Variants in PATJ observed in about 807,000 individuals in gnomAD.
PATJ encodes the protein PATJ crumbs cell polarity complex component, also known as inaD-like protein.
In PATJ, 190 loss-of-function variants were observed where a neutral mutation model predicts 224.9. That is an observed-to-expected ratio of 0.84 (90% CI 0.75 to 0.95). The LOEUF is 0.95. Among genes scored for constraint, PATJ ranks in the 40% least tolerant of loss-of-function variants. The pLI is 0.00. For synonymous variants in PATJ, 769 were observed against 820.3 expected (o/e 0.94, Z 1.07); for missense variants, 2,121 against 2,270.3 (o/e 0.93, Z 1.34).
intron 31 of PATJ, among the ~76,000 whole-genome samples, chr1:62,066,387 CT>C (rs200726650): frequency 0.028 from 4,057 of 144,536 alleles, 121 homozygotes; most frequent in East Asian, 0.15. Flanking sequence ...GCTGTGGGAA[CT>C]TTTTTTTTTT....
chr1:61,975,957 AT>A (rs1644107214), intron 27 of PATJ, among the ~76,000 whole-genome samples: 1 of 151,740 alleles, frequency 6.6e-6, no homozygotes, highest in African/African-American at 2.4e-5. Flanking sequence ...CTTTCAAATT[AT>A]TTTCTATTAC....
chr1:61,883,172 A>G (rs1035480068), intron 21 of PATJ, among the ~76,000 whole-genome samples: 2 of 152,198 alleles, frequency 1.3e-5, no homozygotes, highest in Non-Finnish European at 2.9e-5. Context: ...TTAACATGAT[A>G]ATTGTATAAT....
intron 28 of PATJ, among the ~76,000 whole-genome samples, chr1:62,003,714 A>G (rs1019859751): frequency 6.6e-6 from 1 of 152,176 alleles, no homozygotes; most frequent in African/African-American, 2.4e-5. Flanking sequence ...ATTGTGTTTC[A>G]CCTGAGTTTC....
chr1:61,964,123 C>T (rs1681725287), intron 27 of PATJ, among the ~76,000 whole-genome samples: 1 of 150,666 alleles, frequency 6.6e-6, no homozygotes, highest in African/African-American at 2.4e-5. Flanking sequence ...TCTCTGTTAC[C>T]AAGGCTGGAG....
chr1:61,752,820 A>G (rs1645411149), intron 1 of PATJ, among the ~76,000 whole-genome samples: 1 of 149,284 alleles, frequency 6.7e-6, no homozygotes, highest in Non-Finnish European at 1.5e-5. Context: ...TCTGGAATTT[A>G]TATATGTTTC....
At chr1:61,940,859 C>T (rs763376573) in intron 27 of PATJ, among the ~76,000 whole-genome samples, 3 of 151,540 alleles carry the variant, frequency 2.0e-5, no homozygotes, top group African/African-American at 4.9e-5. Flanking sequence ...TGAATAGGAC[C>T]GGTACTTTAT....
At chr1:62,096,266 A>ACT (rs5774580) in intron 33 of PATJ, among the ~76,000 whole-genome samples, 151,144 of 152,288 alleles carry the variant, frequency 0.99, 75,005 homozygotes, top group East Asian at 1. Flanking sequence ...AATTTCTACC[A>ACT]CTGTACATTT....
At chr1:62,089,082 T>C (rs1235718474) in intron 33 of PATJ, among the ~76,000 whole-genome samples, 1 of 152,166 alleles carries the variant, frequency 6.6e-6, no homozygotes, top group African/African-American at 2.4e-5. Context: ...CTTTTTACAT[T>C]GCTTTTTATA....
At chr1:61,877,966 C>G (rs1279308004) in intron 21 of PATJ, among the ~76,000 whole-genome samples, 5 of 152,138 alleles carry the variant, frequency 3.3e-5, no homozygotes, top group Admixed American at 1.3e-4. Flanking sequence ...AGTGTAACTG[C>G]GTGAAGCGCT....
intron 37 of PATJ, chr1:62,117,485 A>G (rs1054979744): frequency 9.1e-6 from 10 of 1,095,848 alleles, no homozygotes; most frequent in Middle Eastern, 3.6e-4. Context: ...CTATGCACGC[A>G]TGTACACAGC....
chr1:61,904,803 T>C (rs1381872682), intron 24 of PATJ, among the ~76,000 whole-genome samples: 2 of 152,272 alleles, frequency 1.3e-5, no homozygotes, highest in Non-Finnish European at 2.9e-5. Flanking sequence ...TTTCTTGATG[T>C]CTATAAATAT....
intron 27 of PATJ, among the ~76,000 whole-genome samples, chr1:61,948,774 T>TTG (rs1342794019): frequency 4.6e-5 from 7 of 152,192 alleles, no homozygotes; most frequent in Non-Finnish European, 1.0e-4. Flanking sequence ...CGTATGTTTA[T>TTG]TGTGGCACTA....
At chr1:61,985,786 C>T (rs1387930033) in intron 27 of PATJ, among the ~76,000 whole-genome samples, 11 of 152,134 alleles carry the variant, frequency 7.2e-5, no homozygotes, top group African/African-American at 2.7e-4. Context: ...GGCTTTTCTT[C>T]ATGCCATCAT....
intron 28 of PATJ, 126 bp from the exon 29 acceptor site, chr1:62,017,730 A>T: frequency 5.6e-6 from 1 of 178,618 alleles, no homozygotes; most frequent in Non-Finnish European, 9.6e-6. Flanking sequence ...AGACTGTCTC[A>T]AAAAAAAAAA....
At chr1:61,890,274 T>C (rs1376230678) in intron 22 of PATJ, among the ~76,000 whole-genome samples, 1 of 151,224 alleles carries the variant, frequency 6.6e-6, no homozygotes, top group African/African-American at 2.4e-5. Context: ...AGGCCAGGAG[T>C]TCAAGACGAG....
rs770808819 is a variant in PATJ, at chr1:62,117,149, G to T, written c.4821G>T (p.Val1607=). The stretch of plus-strand genomic sequence containing the variant: ...TTTCCAAGTGTGCACAGGGACTTGT[G>T]CAGCTAGAGATTGGAAGACTCCGAG... ...ATILKCAQGL[V]QLEIGRLRAG... Residue 1607 remains valine (V), a synonymous_variant, in exon 37 of 44, where the codon GTG becomes GTT. Transcript: ENST00000642238. 11 of 1,613,792 alleles carry T rather than the reference G, an allele frequency of 6.8e-6. No individual in the cohort carries two copies. In the South Asian group the frequency reaches 1.2e-4, roughly 18 times the overall value.
intron 33 of PATJ, among the ~76,000 whole-genome samples, chr1:62,098,358 C>A (rs1165512410): frequency 4.2e-4 from 52 of 123,414 alleles, no homozygotes; most frequent in Middle Eastern, 4.5e-3. Context: ...GACTCCATCT[C>A]AAAAAAAAAA....
intron 14 of PATJ, among the ~76,000 whole-genome samples, chr1:61,813,348 T>TAG (rs1655259693): frequency 1.3e-4 from 5 of 38,750 alleles, no homozygotes; most frequent in Admixed American, 3.4e-4. Context: ...TATATATATA[T>TAG]ATATATATAT....
At chr1:61,837,061 C>T (rs1419585287) in intron 17 of PATJ, among the ~76,000 whole-genome samples, 3 of 152,146 alleles carry the variant, frequency 2.0e-5, no homozygotes, top group Non-Finnish European at 4.4e-5. Flanking sequence ...AGAACAAGAA[C>T]TTTTTGAAGA....
Sources: allele counts gnomAD v4.1 joint callset (sites outside exome capture counted in the v4.1 genomes callset), GRCh38; gene constraint gnomAD v4.1.1; transcripts MANE v1.5; gene names NCBI Gene and HGNC (gene_info 2026-07-23, HGNC 2026-07-21).